Variants in PLEKHG4B observed in about 807,000 individuals in gnomAD.
The protein encoded by PLEKHG4B is pleckstrin homology and RhoGEF domain containing G4B, also known as pleckstrin homology domain-containing family G member 4B.
In PLEKHG4B, 111 loss-of-function variants were observed where a neutral mutation model predicts 121.3. The observed-to-expected ratio is 0.92, with a 90% confidence interval of 0.78 to 1.07. The LOEUF (loss-of-function observed/expected upper bound fraction) is 1.07. Ranked by LOEUF, PLEKHG4B falls within the 50% of genes least tolerant of loss-of-function variation. PLEKHG4B has a pLI of 0.00. For synonymous variants in PLEKHG4B, 738 were observed against 725.0 expected, an observed-to-expected ratio of 1.02 and a Z score of -0.29; for missense variants, 1,831 against 1,757.8, an observed-to-expected ratio of 1.04 and a Z score of -0.74.
In PLEKHG4B at chr5:156,635, G is replaced by T; in HGVS notation, c.2349-138G>T. The T allele has an allele frequency of 8.4e-7, 1 of 1,188,698 alleles. No homozygotes were observed. Among genetic ancestry groups the T allele is most frequent in the Non-Finnish European group, 1.2e-6 (1 of 860,728 alleles). The allele number at this position is 1,188,698 out of a possible 1,614,324, so 73.6% of individuals were successfully genotyped here. A position where few individuals can be genotyped will look rare whatever the true frequency, so the allele number is the denominator to read the frequency against. On this transcript the variant is annotated intron_variant, in intron 10 of 19. Transcript: ENST00000637938. This position sits in a 1 kb window ranked among gnomAD's most constrained non-coding sequence, Gnocchi z 4.4. Reference sequence around the variant, plus strand: ...AGCACATCTGTGCCCCGCCTCGGTTGTGGGCCTCCTCCTGGGGCTCCCGTT... The same window carrying T: ...AGCACATCTGTGCCCCGCCTCGGTTTTGGGCCTCCTCCTGGGGCTCCCGTT...
In PLEKHG4B at chr5:163,281, G is replaced by A. The variant is rs148131393; in HGVS notation, c.3209G>A (p.Arg1070His). 159 of 1,613,084 alleles carry A rather than the reference G, an allele frequency of 9.9e-5. No homozygotes were observed. The highest frequency in any genetic ancestry group is 2.7e-4 in the East Asian group (12 of 44,894). The change falls in exon 13 of 20, where the codon CGC (arginine) becomes CAC (histidine). Residue 1070 changes from arginine to histidine, a missense_variant. Physicochemically the swap from Arg to His is conservative, Grantham distance 29. Transcript: ENST00000637938. ...SSEPTQTLAS[R>H]PRKHPQKKMI... ...GAGCCCACCCAGACCCTGGCCAGCC[G>A]CCCCAGGAAACATCCCCAGAAGAAA...
chr5:155,116 T>A, intron 8 of PLEKHG4B, 125 bp downstream of exon 8: 1 of 941,224 alleles, frequency 1.1e-6, no homozygotes, highest in Non-Finnish European at 1.6e-6. Context: ...ACAGTCGCCG[T>A]TCAGGTCTTC....
chr5:163,504 G>A lies in PLEKHG4B; in HGVS notation c.3432G>A (p.Ser1144=), dbSNP rs114939243. 6.2e-3 allele frequency: 10,018 copies of A among 1,611,616 alleles called. 49 individuals carry two copies. Among genetic ancestry groups the A allele is most frequent in the Non-Finnish European group, 7.5e-3 (8,812 of 1,179,528 alleles). Residue 1144 remains serine, a synonymous_variant, in exon 13 of 20, where the codon TCG becomes TCA. Coordinates refer to ENST00000637938, the MANE Select transcript of PLEKHG4B (RefSeq NM_052909.5). ...VTQSRSLSSP[S]GLHPAEEDGR... ...AGAGCCGGAGTCTGTCCTCCCCCTC[G>A]GGGCTCCACCCTGCTGAGGAGGATG...
rs1472062391 is a variant in PLEKHG4B, at chr5:159,345, C to G, written c.2487+2434C>G. Among the ~76,000 whole-genome samples the G allele has an allele frequency of 6.6e-6, 1 of 152,140 alleles. No individual in the cohort carries two copies. Among genetic ancestry groups the G allele is most frequent in the East Asian group, 1.9e-4 (1 of 5,190 alleles). On this transcript the variant is annotated intron_variant, in intron 11 of 19. Coordinates refer to ENST00000637938, the MANE Select transcript of PLEKHG4B (RefSeq NM_052909.5). This position sits in a 1 kb window ranked among gnomAD's most constrained non-coding sequence, Gnocchi z 5.5. The stretch of plus-strand genomic sequence containing the variant: ...TGCTCTTTGTGTCTGCACTGCGCCC[C>G]TCTGTTCTGGGAATTCTGTGACATC...
chr5:99,259 A>C (rs1733731313), intron 1 of PLEKHG4B, among the ~76,000 whole-genome samples: 1 of 143,016 alleles, frequency 7.0e-6, no homozygotes, highest in Admixed American at 7.2e-5. Context: ...TTTGAGGATC[A>C]TCTTTTTCAT....
intron 1 of PLEKHG4B, among the ~76,000 whole-genome samples, chr5:109,729 A>C (rs1157486543): frequency 6.6e-6 from 1 of 152,236 alleles, no homozygotes; most frequent in Non-Finnish European, 1.5e-5. Context: ...TGAAGCTTTA[A>C]AATGGGTTTT....
chr5:155,513 A>T (rs1435061233), intron 9 of PLEKHG4B, 70 bp downstream of exon 9: 1 of 1,200,534 alleles, frequency 8.3e-7, no homozygotes, highest in Non-Finnish European at 1.2e-6. Flanking sequence ...GGTTAGCCAA[A>T]CTTGAAAATA....
chr5:170,056 C>T (rs1035018636), intron 14 of PLEKHG4B, among the ~76,000 whole-genome samples: 2 of 152,210 alleles, frequency 1.3e-5, no homozygotes, highest in Admixed American at 6.5e-5. Context: ...ACTGGAAGCA[C>T]GTTGAATGTA....
intron 1 of PLEKHG4B, among the ~76,000 whole-genome samples, chr5:93,885 C>T (rs532424507): frequency 4.6e-5 from 7 of 152,196 alleles, no homozygotes; most frequent in African/African-American, 1.7e-4. Context: ...CAGCCAAACA[C>T]AGGAGGCCCC....
chr5:163,870 C>T (rs1736139459), intron 13 of PLEKHG4B, among the ~76,000 whole-genome samples: 1 of 152,208 alleles, frequency 6.6e-6, no homozygotes, highest in Non-Finnish European at 1.5e-5. Context: ...GCAAATCAAC[C>T]CCGACACCAA....
intron 2 of PLEKHG4B, among the ~76,000 whole-genome samples, chr5:126,618 A>T (rs1734621445): frequency 6.6e-6 from 1 of 152,160 alleles, no homozygotes; most frequent in African/African-American, 2.4e-5. Flanking sequence ...TTTGAATCTA[A>T]TTATGTGACA....
rs1733453234 is a variant in PLEKHG4B at position 182,583 on chromosome 5, A to T, written c.*260A>T. On this transcript the variant is annotated 3_prime_UTR_variant, in exon 20 of 20. Transcript: ENST00000637938. ...CAACAGCATAGGAAACAGACCTAAA[A>T]CAAGACAAAAAAAGACTAAACATGA... 2.1e-6 allele frequency: 1 copy of T among 468,664 alleles called. No individual in the cohort carries two copies. The highest frequency in any genetic ancestry group is 3.2e-5 in the East Asian group (1 of 31,186). The allele number at this position is 468,664 out of a possible 1,614,324, so 29.0% of individuals were successfully genotyped here.
rs561204369 is a variant in PLEKHG4B, at chr5:167,250, G to C, written c.3477-2090G>C. Reference sequence around the variant, plus strand: ...GTGAGGGCCAGTTCCTGACCAGCCAGGAGGTGCTGTGTTCTCAGAAACAGT... The same window carrying C: ...GTGAGGGCCAGTTCCTGACCAGCCACGAGGTGCTGTGTTCTCAGAAACAGT... On this transcript the variant is annotated intron_variant, in intron 13 of 19. Coordinates refer to ENST00000637938, the MANE Select transcript of PLEKHG4B (RefSeq NM_052909.5). Among the ~76,000 whole-genome samples, 324 of 152,338 alleles carry C rather than the reference G, an allele frequency of 2.1e-3. 2 individuals carry two copies. The highest frequency in any genetic ancestry group is 7.3e-3 in the African/African-American group (302 of 41,584).
At position 137,663 on chromosome 5, in the gene PLEKHG4B, A is replaced by G. The variant is rs1358248255; in HGVS notation, c.244-1820A>G. On this transcript the variant is annotated intron_variant, in intron 2 of 19. Coordinates refer to ENST00000637938, the MANE Select transcript of PLEKHG4B (RefSeq NM_052909.5). The surrounding 1 kb of genome is among the most constrained non-coding windows in gnomAD (Gnocchi z 4.2). The stretch of plus-strand genomic sequence containing the variant: ...ACCCTCCCATTTCTGTTTTCTGGAA[A>G]AAGTCTAGTGGTGCGATTACAAGGA... 6.6e-6 allele frequency among the ~76,000 whole-genome samples: 1 copy of G among 152,244 alleles called. No individual in the cohort carries two copies. The highest frequency in any genetic ancestry group is 1.5e-5 in the Non-Finnish European group (1 of 68,050).
In PLEKHG4B at chr5:162,796, T is replaced by G; in HGVS notation, c.2724T>G (p.Cys908Trp). The G allele has an allele frequency of 6.7e-7, 1 of 1,494,410 alleles. No homozygotes were observed. Among genetic ancestry groups the G allele is most frequent in the Non-Finnish European group, 8.9e-7 (1 of 1,122,988 alleles). The allele number at this position is 1,494,410 out of a possible 1,614,324, so 92.6% of individuals were successfully genotyped here. ...CCGTGGCTGAGTGTTTGAGGAGCTG[T>G]CACCAGGAGGCTACCTCGGTGGCTG... Reference protein sequence around the residue: ...SSPVAECLRSCHQEATSVAAE... With the variant: ...SSPVAECLRSWHQEATSVAAE... The change falls in exon 13 of 20, where the codon TGT (cysteine) becomes TGG (tryptophan). Residue 908 changes from cysteine (C) to tryptophan (W), a missense_variant. Physicochemically the swap from Cys to Trp is radical, Grantham distance 215 (BLOSUM62 -2). Transcript: ENST00000637938.
At chr5:150,070 A>G (rs142583447) in intron 6 of PLEKHG4B, among the ~76,000 whole-genome samples, 48 of 152,382 alleles carry the variant, frequency 3.1e-4, no homozygotes, top group South Asian at 1.4e-3. Context: ...AGCTGTGTTC[A>G]TAGCAGCATT....
chr5:132,924 T>A (rs1166150631), intron 2 of PLEKHG4B, among the ~76,000 whole-genome samples: 1 of 152,210 alleles, frequency 6.6e-6, no homozygotes, highest in Non-Finnish European at 1.5e-5. Context: ...TCTACTTCTG[T>A]CAGTAATGAT....
chr5:179,768 A>G (rs548216260), intron 18 of PLEKHG4B: 1 of 152,514 alleles, frequency 6.6e-6, no homozygotes, highest in Admixed American at 6.5e-5. Flanking sequence ...TGACCCTTTT[A>G]CATGTTCCTA....
chr5:166,452 A>G (rs1736345758), intron 13 of PLEKHG4B, among the ~76,000 whole-genome samples: 1 of 111,288 alleles, frequency 9.0e-6, no homozygotes, highest in Non-Finnish European at 1.9e-5. Flanking sequence ...TAATGCTCTG[A>G]CGGGGCGGAG....
Sources: gnomAD v4.1 joint callset for allele counts (sites outside exome capture counted in the v4.1 genomes callset) on GRCh38, gnomAD v4.1.1 for gene constraint, Gnocchi (gnomAD v3.1) non-coding constraint, MANE v1.5 for transcripts, NCBI Gene and HGNC (gene_info 2026-07-23, HGNC 2026-07-21) for gene names.